Variants in NMBR observed in about 807,000 individuals in gnomAD.
NMBR encodes neuromedin-B receptor.
Under a neutral mutation model 20.5 loss-of-function variants are expected in NMBR, and 16 were observed. The observed-to-expected ratio is 0.78, with a 90% CI of 0.53 to 1.19. The LOEUF is 1.19. Ranked by LOEUF, NMBR falls within the 50% of genes most tolerant of loss-of-function variation. NMBR has a pLI of 0.00. For missense variants in NMBR, 582 were observed against 499.1 expected (o/e 1.17, Z -1.58); for synonymous variants, 212 against 196.6 (o/e 1.08, Z -0.65).
At chr6:142,112,782 C>T (rs186412306) in intron 1 of NMBR, among the ~76,000 whole-genome samples, 2 of 152,106 alleles carry the variant, frequency 1.3e-5, no homozygotes, top group Admixed American at 6.5e-5. Context: ...TTCATCAATG[C>T]TATTTAAGTA....
chr6:142,144,181 T>C lies in NMBR; in HGVS notation c.-664+2863A>G, dbSNP rs779224754. 9.2e-5 allele frequency among the ~76,000 whole-genome samples: 14 copies of C among 152,302 alleles called. No homozygotes were observed. The East Asian group carries it at 2.1e-3, about 23-fold the overall frequency. ...GGAAAATTTAAGGAAAAATTATTTCTACTTGGGGGGGATGCTAAAATAATA... is the reference window on the plus strand; with the variant it reads ...GGAAAATTTAAGGAAAAATTATTTCCACTTGGGGGGGATGCTAAAATAATA... On this transcript the variant is annotated intron_variant, in intron 1 of 3. Transcript: ENST00000258042.
chr6:142,093,247 A>T (rs1777369617), intron 1 of NMBR, among the ~76,000 whole-genome samples: 1 of 150,868 alleles, frequency 6.6e-6, no homozygotes, highest in East Asian at 2.0e-4. Flanking sequence ...GGTGTGCTGC[A>T]CACATTAACT....
chr6:142,080,215 C>G (rs1293379282), intron 2 of NMBR, among the ~76,000 whole-genome samples: 2 of 151,286 alleles, frequency 1.3e-5, no homozygotes, highest in Non-Finnish European at 2.9e-5. Flanking sequence ...TTTCTGCTAT[C>G]ATCTTTTGTT....
chr6:142,118,205 T>G (rs959270729), intron 1 of NMBR, among the ~76,000 whole-genome samples: 2 of 152,102 alleles, frequency 1.3e-5, no homozygotes, highest in Non-Finnish European at 2.9e-5. Context: ...GGTATTAAAG[T>G]GATTGGAAAT....
At chr6:142,133,698 GA>G (rs1369186688) in intron 1 of NMBR, among the ~76,000 whole-genome samples, 1 of 152,026 alleles carries the variant, frequency 6.6e-6, no homozygotes, top group African/African-American at 2.4e-5. Flanking sequence ...CATAATGCAG[GA>G]ATTATATTTG....
At position 142,075,752 on chromosome 6, in the gene NMBR, A is replaced by T. The variant is rs1449511489; in HGVS notation, c.1069T>A (p.Ser357Thr). ...QERGTSYLLS[S>T]SAVRMTSLKS... Reference sequence around the variant, plus strand: ...AGAGATGTCATACGCACCGCTGAAGAGCTGAGTAGGTAGCTGGTTCCTCTC... The same window carrying T: ...AGAGATGTCATACGCACCGCTGAAGTGCTGAGTAGGTAGCTGGTTCCTCTC... The change falls in exon 4 of 4, where the codon TCT becomes ACT. Residue 357 changes from serine (S) to threonine (T), a missense_variant. Physicochemically the swap from Ser to Thr is moderately conservative, Grantham distance 58 (BLOSUM62 1). Coordinates refer to ENST00000258042, the MANE Select transcript of NMBR (RefSeq NM_002511.4). 1.9e-5 allele frequency: 30 copies of T among 1,614,100 alleles called. No homozygotes were observed. The highest frequency in any genetic ancestry group is 2.5e-5 in the Non-Finnish European group (30 of 1,179,956).
chr6:142,092,283 G>A (rs1028797598), intron 1 of NMBR, among the ~76,000 whole-genome samples: 1 of 152,090 alleles, frequency 6.6e-6, no homozygotes, highest in African/African-American at 2.4e-5. Flanking sequence ...TGTAGATAAG[G>A]AAACAACACT....
intron 1 of NMBR, among the ~76,000 whole-genome samples, chr6:142,128,292 T>C (rs186774447): frequency 1.3e-5 from 2 of 152,248 alleles, no homozygotes; most frequent in Admixed American, 1.3e-4. Flanking sequence ...ATTAAACCTC[T>C]TTTCTTTATA....
At chr6:142,082,719 A>G (rs945240524) in intron 2 of NMBR, among the ~76,000 whole-genome samples, 20 of 152,328 alleles carry the variant, frequency 1.3e-4, no homozygotes, top group Middle Eastern at 3.4e-3. Flanking sequence ...CAGCAACAGA[A>G]TGGATAGTAT....
chr6:142,115,929 G>T lies in NMBR; in HGVS notation c.-663-26608C>A, dbSNP rs771994372. On this transcript the variant is annotated intron_variant, in intron 1 of 3. Coordinates refer to ENST00000258042, the MANE Select transcript of NMBR (RefSeq NM_002511.4). ...GAATTGTAATTCCCACAATTTCCACGTGTTGTGGGAGGAACCCGGTGGGAG... is the reference window on the plus strand; with the variant it reads ...GAATTGTAATTCCCACAATTTCCACTTGTTGTGGGAGGAACCCGGTGGGAG... Among the ~76,000 whole-genome samples the T allele has an allele frequency of 2.0e-5, 3 of 152,070 alleles. No homozygotes were observed. In the East Asian group the frequency reaches 5.8e-4, roughly 30 times the overall value.
At chr6:142,116,501 A>ACCC (rs1393998949) in intron 1 of NMBR, among the ~76,000 whole-genome samples, 9 of 151,922 alleles carry the variant, frequency 5.9e-5, no homozygotes, top group Non-Finnish European at 7.4e-5. Flanking sequence ...CAGTATTGAA[A>ACCC]CCCTACAAGG....
chr6:142,116,875 C>T (rs1026274474), intron 1 of NMBR, among the ~76,000 whole-genome samples: 1 of 151,850 alleles, frequency 6.6e-6, no homozygotes, highest in Non-Finnish European at 1.5e-5. Flanking sequence ...AGCATAATTG[C>T]TTTTTACCAA....
At chr6:142,107,256 A>G (rs371426069) in intron 1 of NMBR, among the ~76,000 whole-genome samples, 2 of 152,180 alleles carry the variant, frequency 1.3e-5, no homozygotes, top group East Asian at 1.9e-4. Context: ...TAAAAAAACA[A>G]ATGTCAAAGA....
Position 142,091,644 on chromosome 6 carries a change from GA to G in NMBR, c.-663-2324del, listed in dbSNP as rs200342911. Among the ~76,000 whole-genome samples the G allele has an allele frequency of 6.2e-3, 950 of 152,246 alleles. 12 individuals are homozygous for G. Among genetic ancestry groups the G allele is most frequent in the African/African-American group, 0.021 (887 of 41,556 alleles). On this transcript the variant is annotated intron_variant, in intron 1 of 3. Coordinates refer to ENST00000258042, the MANE Select transcript of NMBR (RefSeq NM_002511.4). ...TACTTGAGTCTTAACATGATTCACA[GA>G]GACAAGATAAATTGTCTAATTTGAA...
At chr6:142,121,033 AT>A (rs1777936581) in intron 1 of NMBR, among the ~76,000 whole-genome samples, 1 of 151,934 alleles carries the variant, frequency 6.6e-6, no homozygotes, top group African/African-American at 2.4e-5. Flanking sequence ...TCTGTATCAC[AT>A]TTTGGGAATT....
chr6:142,103,463 T>C (rs1229968849), intron 1 of NMBR, among the ~76,000 whole-genome samples: 1 of 152,168 alleles, frequency 6.6e-6, no homozygotes, highest in Admixed American at 6.6e-5. Flanking sequence ...TCAAAAACTA[T>C]TTGAGCAATT....
At chr6:142,124,561 A>G (rs1172986879) in intron 1 of NMBR, among the ~76,000 whole-genome samples, 1 of 151,864 alleles carries the variant, frequency 6.6e-6, no homozygotes, top group Non-Finnish European at 1.5e-5. Flanking sequence ...ATGCACTCTC[A>G]AGTCTTCTGT....
intron 1 of NMBR, among the ~76,000 whole-genome samples, chr6:142,109,902 T>C (rs1389887726): frequency 6.6e-6 from 1 of 152,070 alleles, no homozygotes; most frequent in Non-Finnish European, 1.5e-5. Context: ...CATATATAGA[T>C]ATGAGCCTTC....
intron 1 of NMBR, among the ~76,000 whole-genome samples, chr6:142,120,194 T>C (rs966991634): frequency 4.6e-5 from 7 of 151,880 alleles, no homozygotes; most frequent in African/African-American, 1.7e-4. Flanking sequence ...ACTAGATGAT[T>C]GGACAAAACC....
Sources: allele counts gnomAD v4.1 joint callset (sites outside exome capture counted in the v4.1 genomes callset), GRCh38; gene constraint gnomAD v4.1.1; transcripts MANE v1.5; gene names NCBI Gene and HGNC (gene_info 2026-07-23, HGNC 2026-07-21).